The following ANKRD11 variants were observed in gnomAD, a reference collection of about 807,000 sequenced individuals.
ANKRD11 encodes ankyrin repeat domain 11.
Under a neutral mutation model 195.7 loss-of-function variants are expected in ANKRD11, and 17 were observed. The observed-to-expected ratio is 0.09, with a 90% CI of 0.06 to 0.13. ANKRD11 has a LOEUF of 0.13. Among genes scored for constraint, ANKRD11 ranks in the 10% least tolerant of loss-of-function variants. The pLI, the probability that ANKRD11 is intolerant of heterozygous loss-of-function variation, is 1.00. For synonymous variants in ANKRD11, 1,953 were observed against 1,528.1 expected, an observed-to-expected ratio of 1.28 and a Z score of -6.49; for missense variants, 3,735 against 3,566.1, an observed-to-expected ratio of 1.05 and a Z score of -1.21.
intron 1 of ANKRD11, among the ~76,000 whole-genome samples, chr16:89,458,195 T>C (rs921066369): frequency 6.6e-6 from 1 of 152,184 alleles, no homozygotes; most frequent in Non-Finnish European, 1.5e-5. Context: ...CCTGTTCTTG[T>C]TGTACTTTAG....
intron 2 of ANKRD11, among the ~76,000 whole-genome samples, chr16:89,387,137 G>A (rs556727424): frequency 7.8e-4 from 119 of 152,094 alleles, no homozygotes; most frequent in African/African-American, 2.7e-3. Flanking sequence ...GGGAGAGGTA[G>A]GTCACACAGC....
At position 89,279,755 on chromosome 16, in the gene ANKRD11, G is replaced by A. The variant is rs76793093; in HGVS notation, c.6787C>T (p.Pro2263Ser). 58,151 of 1,523,960 alleles carry A rather than the reference G, an allele frequency of 0.038. 1,391 individuals carry two copies. The highest frequency in any genetic ancestry group is 0.065 in the East Asian group (2,636 of 40,838). 94.4% of individuals were successfully genotyped at this position (1,523,960 alleles called of 1,614,324 possible). The stretch of plus-strand genomic sequence containing the variant: ...GGGGCACAGAGGGACGCGGCGGGGG[G>A]GCCTTCAGCCTCAGCCCCCTGGTCT... ...SGDQGAEAEG[P>S]PAASLCAPDG... The change falls in exon 9 of 13, where the codon CCC becomes TCC. Residue 2263 changes from proline to serine, a missense_variant. By Grantham distance (74) the Pro-to-Ser change is moderately conservative. Transcript: ENST00000301030. The surrounding 1 kb of genome is among the most constrained non-coding windows in gnomAD (Gnocchi z 5.6).
chr16:89,452,559 C>T (rs2044126461), intron 1 of ANKRD11, among the ~76,000 whole-genome samples: 1 of 151,764 alleles, frequency 6.6e-6, no homozygotes, highest in South Asian at 2.1e-4. Context: ...GGTGGATCAC[C>T]TGAGGTCAAG....
At chr16:89,401,030 C>G (rs1231438310) in intron 2 of ANKRD11, among the ~76,000 whole-genome samples, 3 of 152,198 alleles carry the variant, frequency 2.0e-5, no homozygotes, top group Admixed American at 2.0e-4. Flanking sequence ...TGTGGGTGGA[C>G]AAATCCACAA....
At chr16:89,479,391 A>G (rs4785567) in intron 1 of ANKRD11, among the ~76,000 whole-genome samples, 77,726 of 151,142 alleles carry the variant, frequency 0.51, 20,101 homozygotes, top group East Asian at 0.67. Context: ...CCAGCACTTA[A>G]GGAGGCCGAG....
At chr16:89,490,016 C>G (rs1314628781) in intron 1 of ANKRD11, among the ~76,000 whole-genome samples, 4 of 148,960 alleles carry the variant, frequency 2.7e-5, no homozygotes, top group Non-Finnish European at 6.0e-5. Context: ...CCCAAAGACC[C>G]CCGGCTGCCC....
At chr16:89,483,698 C>T (rs536029095) in intron 1 of ANKRD11, among the ~76,000 whole-genome samples, 3 of 151,946 alleles carry the variant, frequency 2.0e-5, no homozygotes, top group Non-Finnish European at 2.9e-5. Context: ...AGTGGTGGCG[C>T]GTGCCTGTAA....
At position 89,282,181 on chromosome 16, in the gene ANKRD11, T is replaced by C. The variant is rs373244680; in HGVS notation, c.4361A>G (p.Asn1454Ser). The C allele has an allele frequency of 1.4e-5, 22 of 1,614,032 alleles. No homozygotes were observed. Among genetic ancestry groups the C allele is most frequent in the African/African-American group, 2.7e-5 (2 of 74,900 alleles). ...TCTCTTCTTCTTCTCTTTTAGGATG[T>C]TGATGGCACTAGATCCATAAGGCTT... ...ELKPYGSSAI[N>S]ILKEKKKREK... The change falls in exon 9 of 13, where the codon AAC becomes AGC. Residue 1454 changes from asparagine (N) to serine (S), a missense_variant. By Grantham distance (46) the Asn-to-Ser change is conservative. Coordinates refer to ENST00000301030, the MANE Select transcript of ANKRD11 (RefSeq NM_013275.6).
chr16:89,470,861 C>T lies in ANKRD11; in HGVS notation c.-145+19384G>A, dbSNP rs1386859188. ...AAAAAAAATTAGCTGGGCACGGTGG[C>T]GGACATTTGTAGTCCCAGTTACTCG... is the stretch of plus-strand genomic sequence containing the variant. On this transcript the variant is annotated intron_variant, in intron 1 of 12. Transcript: ENST00000301030. Among the ~76,000 whole-genome samples the T allele has an allele frequency of 8.5e-5, 13 of 152,224 alleles. 1 individual carries two copies. The South Asian group carries it at 2.3e-3, about 27-fold the overall frequency.
chr16:89,487,983 T>C (rs756460352), intron 1 of ANKRD11, among the ~76,000 whole-genome samples: 21 of 152,034 alleles, frequency 1.4e-4, no homozygotes, highest in Non-Finnish European at 2.5e-4. Context: ...GTGCCCAGCA[T>C]GGCCAGTCCG....
chr16:89,469,226 C>T (rs2056986719), intron 1 of ANKRD11, among the ~76,000 whole-genome samples: 1 of 151,910 alleles, frequency 6.6e-6, no homozygotes, highest in African/African-American at 2.4e-5. Context: ...GATATCCACT[C>T]TTTTTTTTCT....
chr16:89,458,434 C>G (rs555724948), intron 1 of ANKRD11, among the ~76,000 whole-genome samples: 3 of 152,252 alleles, frequency 2.0e-5, no homozygotes, highest in African/African-American at 7.2e-5. Context: ...CCATGTTAGC[C>G]AGGATGGTCT....
chr16:89,305,156 T>C (rs2036106684), intron 4 of ANKRD11, 50 bp downstream of exon 4: 1 of 1,600,626 alleles, frequency 6.2e-7, no homozygotes. Context: ...CCTGGGCTGC[T>C]CCGGGCTGCC....
intron 1 of ANKRD11, among the ~76,000 whole-genome samples, chr16:89,476,129 CA>C (rs1308705558): frequency 6.6e-6 from 1 of 150,892 alleles, no homozygotes; most frequent in African/African-American, 2.4e-5. Flanking sequence ...ATTATGAGAA[CA>C]AAAAAAATTC....
intron 1 of ANKRD11, among the ~76,000 whole-genome samples, chr16:89,485,949 T>C (rs559926411): frequency 6.6e-5 from 10 of 152,308 alleles, no homozygotes; most frequent in Admixed American, 3.9e-4. Flanking sequence ...GAGACCTTGA[T>C]GGAAACGATG....
chr16:89,317,524 C>T (rs2037038356), intron 2 of ANKRD11, among the ~76,000 whole-genome samples: 3 of 152,130 alleles, frequency 2.0e-5, no homozygotes, highest in African/African-American at 7.2e-5. Context: ...TGTCCACAGC[C>T]CCAGCCTCAC....
rs34361547 is a variant in ANKRD11 at position 89,457,586 on chromosome 16, G to GAA, written c.-145+32657_-145+32658dup. ...GCACTCCAGCAAGGCTCCGTCTCAA[G>GAA]AAAAAAAAAAAAAAAGACTACAAAT... On this transcript the variant is annotated intron_variant, in intron 1 of 12. Coordinates refer to ENST00000301030, the MANE Select transcript of ANKRD11 (RefSeq NM_013275.6). Among the ~76,000 whole-genome samples, 998 of 125,858 alleles carry GAA rather than the reference G, an allele frequency of 7.9e-3. 16 individuals are homozygous for GAA. The highest frequency in any genetic ancestry group is 0.026 in the African/African-American group (842 of 32,624). 82.6% of individuals were successfully genotyped at this position (125,858 alleles called of 152,430 possible). A position where few individuals can be genotyped will look rare whatever the true frequency, so the allele number is the denominator to read the frequency against.
At chr16:89,393,638 G>A (rs1368617521) in intron 2 of ANKRD11, among the ~76,000 whole-genome samples, 3 of 151,926 alleles carry the variant, frequency 2.0e-5, no homozygotes, top group East Asian at 1.9e-4. Flanking sequence ...CACTGCGCCC[G>A]GCCTAGTTTC....
chr16:89,314,949 G>A (rs963364616), intron 3 of ANKRD11, among the ~76,000 whole-genome samples: 1 of 152,162 alleles, frequency 6.6e-6, no homozygotes, highest in Non-Finnish European at 1.5e-5. Flanking sequence ...ACCCTCAAGG[G>A]CACAACCCAA....
Sources: allele counts gnomAD v4.1 joint callset (sites outside exome capture counted in the v4.1 genomes callset), GRCh38; gene constraint gnomAD v4.1.1; non-coding constraint Gnocchi (gnomAD v3.1); transcripts MANE v1.5; gene names NCBI Gene and HGNC (gene_info 2026-07-23, HGNC 2026-07-21).